FAM110B: variants seen among roughly 807,000 people sequenced by gnomAD.
FAM110B encodes protein FAM110B.
Under a neutral mutation model 20.4 loss-of-function variants are expected in FAM110B, and 6 were observed. The ratio of observed to expected loss-of-function variants is 0.29; its 90% confidence interval spans 0.16 to 0.58. The LOEUF is 0.58. Among genes scored for constraint, FAM110B ranks in the 20% least tolerant of loss-of-function variants. The pLI, the probability that FAM110B is intolerant of heterozygous loss-of-function variation, is 0.90. For missense variants in FAM110B, 434 were observed against 498.2 expected (o/e 0.87, Z 1.23); for synonymous variants, 226 against 214.1 (o/e 1.06, Z -0.49).
At chr8:58,076,858 T>C (rs1806049221) in intron 3 of FAM110B, among the ~76,000 whole-genome samples, 1 of 152,212 alleles carries the variant, frequency 6.6e-6, no homozygotes, top group African/African-American at 2.4e-5. Flanking sequence ...CTTTCTAGCA[T>C]CCATTTGTAA....
chr8:58,038,596 G>A (rs142427203), intron 2 of FAM110B, among the ~76,000 whole-genome samples: 2,005 of 152,080 alleles, frequency 0.013, 23 homozygotes, highest in African/African-American at 0.033. Context: ...TACTAAAAAC[G>A]CAAAAGTTAG....
intron 1 of FAM110B, among the ~76,000 whole-genome samples, chr8:57,995,872 T>G (rs896020474): frequency 1.3e-5 from 2 of 152,232 alleles, no homozygotes; most frequent in African/African-American, 4.8e-5. Context: ...GTGACAACAT[T>G]GCACTTCTGG....
intron 1 of FAM110B, among the ~76,000 whole-genome samples, chr8:58,008,932 G>A (rs1804470646): frequency 6.6e-6 from 1 of 152,108 alleles, no homozygotes; most frequent in Non-Finnish European, 1.5e-5. Flanking sequence ...TACCTCTCCT[G>A]TCTGGCTCCT....
chr8:58,076,504 G>C (rs1461954253), intron 3 of FAM110B, among the ~76,000 whole-genome samples: 1 of 152,144 alleles, frequency 6.6e-6, no homozygotes, highest in Non-Finnish European at 1.5e-5. Flanking sequence ...ACCACTCCCA[G>C]GACTCCTTTC....
Position 58,027,739 on chromosome 8 carries a change from C to T in FAM110B, c.-511-3867C>T, listed in dbSNP as rs577709595. Among the ~76,000 whole-genome samples the T allele has an allele frequency of 1.2e-4, 18 of 152,302 alleles. No homozygotes were observed. The East Asian group carries it at 3.3e-3, about 28-fold the overall frequency. On this transcript the variant is annotated intron_variant, in intron 1 of 3. Coordinates refer to ENST00000519262, the MANE Select transcript of FAM110B (RefSeq NM_001377989.1). ...GGCTTCTTTTCCATAGTATAATCCT[C>T]TTGAAATTGCTTTACGTTGTTGTAT...
At chr8:58,126,692 C>A (rs1311225771) in intron 3 of FAM110B, among the ~76,000 whole-genome samples, 1 of 151,908 alleles carries the variant, frequency 6.6e-6, no homozygotes, top group Non-Finnish European at 1.5e-5. Context: ...TGTCTATTTG[C>A]CCTTTTTATA....
At chr8:58,084,393 C>CTTT (rs574705921) in intron 3 of FAM110B, among the ~76,000 whole-genome samples, 1 of 140,762 alleles carries the variant, frequency 7.1e-6, no homozygotes. Flanking sequence ...CTCCATTTTC[C>CTTT]TTTTTTTTTT....
At chr8:58,014,081 C>T (rs896467699) in intron 1 of FAM110B, among the ~76,000 whole-genome samples, 2 of 152,138 alleles carry the variant, frequency 1.3e-5, no homozygotes, top group Non-Finnish European at 2.9e-5. Context: ...CCGAGCCAAA[C>T]TAGAACTGTC....
At chr8:58,142,233 G>C (rs1445383996) in intron 3 of FAM110B, among the ~76,000 whole-genome samples, 1 of 152,132 alleles carries the variant, frequency 6.6e-6, no homozygotes, top group Non-Finnish European at 1.5e-5. Flanking sequence ...GGTTCTAATG[G>C]GATGCTGGCT....
chr8:58,037,134 T>A (rs1360145889), intron 2 of FAM110B, among the ~76,000 whole-genome samples: 1 of 151,860 alleles, frequency 6.6e-6, no homozygotes, highest in Non-Finnish European at 1.5e-5. Flanking sequence ...TATGTTAAAT[T>A]TTTTTTTACA....
intron 1 of FAM110B, 22 bp downstream of exon 1, chr8:57,994,828 C>G (rs1359934304): frequency 1.3e-5 from 2 of 152,176 alleles, no homozygotes; most frequent in African/African-American, 4.8e-5. Context: ...CCGTGGGGGC[C>G]GGGAGAGAGA....
chr8:58,135,925 A>G (rs1672721258), intron 3 of FAM110B, among the ~76,000 whole-genome samples: 1 of 148,032 alleles, frequency 6.8e-6, no homozygotes, highest in Non-Finnish European at 1.5e-5. Context: ...TTGAGTTGTT[A>G]TTACTGCTGG....
chr8:58,065,305 A>G (rs1805738795), intron 2 of FAM110B, among the ~76,000 whole-genome samples: 1 of 152,218 alleles, frequency 6.6e-6, no homozygotes, highest in Non-Finnish European at 1.5e-5. Flanking sequence ...TTTAGAAGAC[A>G]AAACTGAAAT....
At chr8:58,141,854 T>A (rs983861889) in intron 3 of FAM110B, among the ~76,000 whole-genome samples, 1 of 152,252 alleles carries the variant, frequency 6.6e-6, no homozygotes, top group East Asian at 1.9e-4. Flanking sequence ...TCTCCCATTA[T>A]CTGCCTGGCC....
intron 3 of FAM110B, among the ~76,000 whole-genome samples, chr8:58,123,247 G>C (rs1807408870): frequency 6.6e-6 from 1 of 152,098 alleles, no homozygotes; most frequent in South Asian, 2.1e-4. Context: ...GCTCTATTTG[G>C]TGCTTCACAG....
At chr8:58,097,350 T>C (rs1585883567) in intron 3 of FAM110B, among the ~76,000 whole-genome samples, 1 of 152,352 alleles carries the variant, frequency 6.6e-6, no homozygotes, top group South Asian at 2.1e-4. Flanking sequence ...TTGATACTTG[T>C]GTATGCTTCA....
At chr8:58,007,564 G>A (rs1804436130) in intron 1 of FAM110B, among the ~76,000 whole-genome samples, 1 of 152,146 alleles carries the variant, frequency 6.6e-6, no homozygotes, top group Non-Finnish European at 1.5e-5. Flanking sequence ...TCAGAGGTAG[G>A]GCCTTGGCAA....
chr8:58,114,607 T>C (rs1807150957), intron 3 of FAM110B, among the ~76,000 whole-genome samples: 1 of 152,144 alleles, frequency 6.6e-6, no homozygotes, highest in African/African-American at 2.4e-5. Context: ...CCTGAACAAG[T>C]TGGGGAGGAT....
intron 2 of FAM110B, among the ~76,000 whole-genome samples, chr8:58,037,865 C>CT (rs1176516305): frequency 6.6e-6 from 1 of 152,094 alleles, no homozygotes; most frequent in Non-Finnish European, 1.5e-5. Flanking sequence ...GCCGTCATAC[C>CT]TGACTATCTT....
Sources: allele counts gnomAD v4.1 joint callset (sites outside exome capture counted in the v4.1 genomes callset), GRCh38; gene constraint gnomAD v4.1.1; transcripts MANE v1.5; gene names NCBI Gene and HGNC (gene_info 2026-07-23, HGNC 2026-07-21).